SCHIP1: variants seen among roughly 807,000 people sequenced by gnomAD.
SCHIP1 encodes the protein schwannomin-interacting protein 1.
SCHIP1 carries 8 observed loss-of-function variants against 29.7 expected under a neutral mutation model. The ratio of observed to expected loss-of-function variants is 0.27; its 90% CI spans 0.16 to 0.49. The LOEUF (loss-of-function observed/expected upper bound fraction) is 0.49, where lower values mean the gene tolerates loss of function less well. Among genes scored for constraint, SCHIP1 ranks in the 20% least tolerant of loss-of-function variants. SCHIP1 has a pLI of 0.99. For synonymous variants in SCHIP1, 76 were observed against 94.9 expected, an observed-to-expected ratio of 0.80 and a Z score of 1.16; for missense variants, 193 against 294.6, an observed-to-expected ratio of 0.66 and a Z score of 2.52.
At chr3:159,580,826 C>T in the SCHIP1 span, among the ~76,000 whole-genome samples, 6,998 of 152,248 alleles carry the variant, frequency 0.046, 362 homozygotes, top group East Asian at 0.18. Context: ...AGATGGTTAT[C>T]TTTTCTAGAA....
At chr3:159,363,476 G>T in the SCHIP1 span, among the ~76,000 whole-genome samples, 3 of 152,274 alleles carry the variant, frequency 2.0e-5, no homozygotes, top group African/African-American at 7.2e-5. Flanking sequence ...GGCTTTCACA[G>T]GTTGTCTGAT....
chr3:159,885,025 G>A (rs541707934), intron 2 of SCHIP1, among the ~76,000 whole-genome samples: 10 of 152,276 alleles, frequency 6.6e-5, no homozygotes, highest in South Asian at 2.1e-4. Flanking sequence ...TATGGTTCCC[G>A]TGTTAAATCA....
the SCHIP1 span, among the ~76,000 whole-genome samples, chr3:159,557,845 T>G: frequency 1.3e-5 from 2 of 152,178 alleles, no homozygotes; most frequent in African/African-American, 2.4e-5. Flanking sequence ...AAACTAAACT[T>G]TCCTCAAAAC....
At chr3:159,535,007 AG>A in the SCHIP1 span, among the ~76,000 whole-genome samples, 1 of 152,116 alleles carries the variant, frequency 6.6e-6, no homozygotes, top group Admixed American at 6.5e-5. Context: ...GCAGAAGAAA[AG>A]GCAATTTCTG....
chr3:159,540,008 A>AT, the SCHIP1 span, among the ~76,000 whole-genome samples: 7 of 152,038 alleles, frequency 4.6e-5, no homozygotes, highest in Non-Finnish European at 7.4e-5. Flanking sequence ...CAAAAGTCTA[A>AT]TTTTTTTATA....
At chr3:159,355,503 A>G in the SCHIP1 span, among the ~76,000 whole-genome samples, 2 of 152,196 alleles carry the variant, frequency 1.3e-5, no homozygotes, top group East Asian at 1.9e-4. Context: ...TCAGATAGCT[A>G]TGTACTCAGA....
At chr3:159,305,447 C>A in the SCHIP1 span, among the ~76,000 whole-genome samples, 1 of 152,198 alleles carries the variant, frequency 6.6e-6, no homozygotes, top group South Asian at 2.1e-4. Context: ...TTAAATCCTG[C>A]CTTTCTTTCT....
chr3:159,517,638 A>G, the SCHIP1 span, among the ~76,000 whole-genome samples: 3 of 152,040 alleles, frequency 2.0e-5, no homozygotes, highest in African/African-American at 7.2e-5. Flanking sequence ...ATTTTCTTAA[A>G]AACTATTTTT....
chr3:159,770,337 G>A, the SCHIP1 span, among the ~76,000 whole-genome samples: 3 of 152,146 alleles, frequency 2.0e-5, no homozygotes, highest in African/African-American at 4.8e-5. Context: ...TTGGCTCACT[G>A]CCACCTCCGC....
At chr3:159,512,832 A>G in the SCHIP1 span, among the ~76,000 whole-genome samples, 3 of 151,868 alleles carry the variant, frequency 2.0e-5, no homozygotes, top group Non-Finnish European at 4.4e-5. Flanking sequence ...ACCATCCTCA[A>G]CTCCCCACCA....
the SCHIP1 span, among the ~76,000 whole-genome samples, chr3:159,497,296 A>G: frequency 6.6e-6 from 1 of 152,000 alleles, no homozygotes; most frequent in Non-Finnish European, 1.5e-5. Context: ...AGTGCATGCT[A>G]ACTCCTTCAT....
At chr3:159,489,873 T>TA in the SCHIP1 span, among the ~76,000 whole-genome samples, 3 of 151,972 alleles carry the variant, frequency 2.0e-5, no homozygotes, top group Non-Finnish European at 4.4e-5. Context: ...TCTTTTATAT[T>TA]AAAAAAATTA....
At chr3:159,393,717 C>A in the SCHIP1 span, among the ~76,000 whole-genome samples, 1 of 150,902 alleles carries the variant, frequency 6.6e-6, no homozygotes, top group South Asian at 2.1e-4. Flanking sequence ...GTTACTGTAG[C>A]CTTGTAGTAT....
At chr3:159,763,951 G>GGGGCGGGGCC in the SCHIP1 span, 1 of 152,124 alleles carries the variant, frequency 6.6e-6, no homozygotes, top group African/African-American at 2.4e-5. Context: ...GGGGCGGGGC[G>GGGGCGGGGCC]GGGCGGGGCC....
chr3:159,691,621 T>C, the SCHIP1 span, among the ~76,000 whole-genome samples: 33,046 of 152,058 alleles, frequency 0.22, 4,333 homozygotes, highest in African/African-American at 0.37. Context: ...TATTGTTATG[T>C]GTGAATTTGA....
At chr3:159,792,976 G>A in the SCHIP1 span, among the ~76,000 whole-genome samples, 1 of 152,106 alleles carries the variant, frequency 6.6e-6, no homozygotes, top group Non-Finnish European at 1.5e-5. Context: ...TTGTGTGTTT[G>A]CCATCTCCTT....
chr3:159,457,309 G>A, the SCHIP1 span, among the ~76,000 whole-genome samples: 2 of 152,064 alleles, frequency 1.3e-5, no homozygotes, highest in Non-Finnish European at 2.9e-5. Context: ...AATGTATAAA[G>A]TGATATCCTG....
the SCHIP1 span, among the ~76,000 whole-genome samples, chr3:159,674,255 C>T: frequency 6.6e-6 from 1 of 152,086 alleles, no homozygotes; most frequent in African/African-American, 2.4e-5. Flanking sequence ...ATTAATTAAG[C>T]ACAAGTCATA....
chr3:159,333,189 A>T, the SCHIP1 span, among the ~76,000 whole-genome samples: 2 of 152,226 alleles, frequency 1.3e-5, no homozygotes, highest in African/African-American at 4.8e-5. Flanking sequence ...TTACTTATAT[A>T]AAAAAGTTAT....
Sources: gnomAD v4.1 joint callset for allele counts (sites outside exome capture counted in the v4.1 genomes callset) on GRCh38, gnomAD v4.1.1 for gene constraint, MANE v1.5 for transcripts, NCBI Gene and HGNC (gene_info 2026-07-23, HGNC 2026-07-21) for gene names.